Variants in LRRTM4 observed in about 807,000 individuals in gnomAD.
LRRTM4 encodes leucine rich repeat transmembrane neuronal 4.
Under a neutral mutation model 47.6 loss-of-function variants are expected in LRRTM4, and 25 were observed. The ratio of observed to expected loss-of-function variants is 0.53; its 90% CI spans 0.38 to 0.73. LRRTM4 has a LOEUF of 0.73. Among genes scored for constraint, LRRTM4 ranks in the 30% least tolerant of loss-of-function variants. The pLI is 0.00. For synonymous variants in LRRTM4, 311 were observed against 269.5 expected (o/e 1.15, Z -1.51); for missense variants, 638 against 713.4 (o/e 0.89, Z 1.20).
intron 3 of LRRTM4, among the ~76,000 whole-genome samples, chr2:77,477,873 G>A (rs1573467784): frequency 1.9e-5 from 2 of 107,136 alleles, no homozygotes; most frequent in African/African-American, 3.6e-5. Flanking sequence ...GAGAGAGAAA[G>A]AAAGAAAGAG....
intron 3 of LRRTM4, among the ~76,000 whole-genome samples, chr2:77,042,643 T>C (rs542740084): frequency 4.1e-5 from 6 of 145,080 alleles, no homozygotes; most frequent in Admixed American, 2.1e-4. Flanking sequence ...TTATATAAAG[T>C]AAAATTAATT....
At chr2:77,491,110 G>T (rs1248971464) in intron 3 of LRRTM4, among the ~76,000 whole-genome samples, 1 of 152,038 alleles carries the variant, frequency 6.6e-6, no homozygotes, top group Non-Finnish European at 1.5e-5. Context: ...GACAGAGAGA[G>T]AGAAGATATA....
rs564462656 is a variant in LRRTM4 at position 76,971,946 on chromosome 2, G to T, written c.1552-223030C>A. On this transcript the variant is annotated intron_variant, in intron 3 of 3. Coordinates refer to ENST00000409884, the MANE Select transcript of LRRTM4 (RefSeq NM_001134745.3). Reference sequence around the variant, plus strand: ...GACTGTTGATCATGGTGACAGTGCTGTATTTCATTGCACAGATCATGCTAT... The same window carrying T: ...GACTGTTGATCATGGTGACAGTGCTTTATTTCATTGCACAGATCATGCTAT... Among the ~76,000 whole-genome samples the T allele has an allele frequency of 3.6e-4, 55 of 152,154 alleles. No individual in the cohort carries two copies. In the East Asian group the frequency reaches 9.9e-3, roughly 27 times the overall value.
chr2:77,521,922 G>C, intron 1 of LRRTM4, 104 bp from the exon 2 acceptor site: 1 of 517,766 alleles, frequency 1.9e-6, no homozygotes. Context: ...GGTTGTGGGG[G>C]CAGGGAAAAG....
intron 3 of LRRTM4, among the ~76,000 whole-genome samples, chr2:77,455,877 T>G (rs1676519356): frequency 6.6e-6 from 1 of 152,122 alleles, no homozygotes; most frequent in Non-Finnish European, 1.5e-5. Context: ...TCTCCACCAT[T>G]CCAGAATACT....
chr2:77,311,051 T>C (rs1385662800), intron 3 of LRRTM4, among the ~76,000 whole-genome samples: 3 of 149,676 alleles, frequency 2.0e-5, no homozygotes, highest in Non-Finnish European at 4.4e-5. Context: ...GATATTTATA[T>C]ACACACACAT....
intron 3 of LRRTM4, among the ~76,000 whole-genome samples, chr2:76,936,903 C>T (rs1342475140): frequency 1.6e-5 from 2 of 124,368 alleles, no homozygotes; most frequent in African/African-American, 3.1e-5. Flanking sequence ...TGCAGTGAGC[C>T]GAGATGGCAT....
rs187764550 is a variant in LRRTM4 at position 77,139,736 on chromosome 2, G to A, written c.1551+378582C>T. 1.1e-4 allele frequency among the ~76,000 whole-genome samples: 16 copies of A among 152,256 alleles called. No homozygotes were observed. The East Asian group carries it at 3.1e-3, about 29-fold the overall frequency. On this transcript the variant is annotated intron_variant, in intron 3 of 3. Transcript: ENST00000409884. ...ATATTTAGAAAACCCTATCGTCTCA[G>A]CCCCAAATCTCCTTAAGTGGATAAG...
rs191038272 is a variant in LRRTM4 at position 77,171,569 on chromosome 2, G to A, written c.1551+346749C>T. Among the ~76,000 whole-genome samples the A allele has an allele frequency of 2.4e-3, 372 of 152,008 alleles. 1 individual carries two copies. The highest frequency in any genetic ancestry group is 0.01 in the Middle Eastern group (3 of 294). Reference sequence around the variant, plus strand: ...TGGGATTACAGGTGTGAGTCACGGCGACTGGCCTGGTTTATGTTTTTAAGA... The same window carrying A: ...TGGGATTACAGGTGTGAGTCACGGCAACTGGCCTGGTTTATGTTTTTAAGA... On this transcript the variant is annotated intron_variant, in intron 3 of 3. Transcript: ENST00000409884.
At chr2:76,835,093 T>C (rs61433620) in intron 3 of LRRTM4, among the ~76,000 whole-genome samples, 71,389 of 151,912 alleles carry the variant, frequency 0.47, 18,120 homozygotes, top group East Asian at 0.76. Flanking sequence ...TCTAATTTAT[T>C]CTTTGTGCAT....
intron 3 of LRRTM4, among the ~76,000 whole-genome samples, chr2:77,358,603 A>G (rs1347436085): frequency 6.6e-6 from 1 of 152,206 alleles, no homozygotes; most frequent in Non-Finnish European, 1.5e-5. Context: ...TATTTTTAAT[A>G]AGATAATTAT....
At chr2:77,221,748 A>T (rs1321159176) in intron 3 of LRRTM4, among the ~76,000 whole-genome samples, 6 of 151,992 alleles carry the variant, frequency 3.9e-5, no homozygotes, top group African/African-American at 7.3e-5. Flanking sequence ...CTCCCACACA[A>T]TAATAATGGG....
intron 3 of LRRTM4, among the ~76,000 whole-genome samples, chr2:77,113,629 T>C (rs1671310215): frequency 6.6e-6 from 1 of 150,650 alleles, no homozygotes; most frequent in Non-Finnish European, 1.5e-5. Flanking sequence ...GGTATGAGAG[T>C]GTGAGAAAGG....
chr2:77,177,536 C>G (rs1166396558), intron 3 of LRRTM4, among the ~76,000 whole-genome samples: 1 of 152,126 alleles, frequency 6.6e-6, no homozygotes, highest in African/African-American at 2.4e-5. Context: ...TAAAAGTTAC[C>G]AAGGTGCAGA....
intron 3 of LRRTM4, among the ~76,000 whole-genome samples, chr2:77,502,297 T>C (rs1678598741): frequency 6.6e-6 from 1 of 151,392 alleles, no homozygotes; most frequent in African/African-American, 2.4e-5. Context: ...ATTTTTTAAA[T>C]TTTTGCTTTT....
At chr2:76,915,562 T>C (rs1181423730) in intron 3 of LRRTM4, among the ~76,000 whole-genome samples, 7 of 152,190 alleles carry the variant, frequency 4.6e-5, no homozygotes, top group Non-Finnish European at 8.8e-5. Flanking sequence ...GGTTCTACCT[T>C]TGTCACTTAA....
chr2:77,500,301 A>C (rs914962477), intron 3 of LRRTM4, among the ~76,000 whole-genome samples: 1 of 151,824 alleles, frequency 6.6e-6, no homozygotes, highest in East Asian at 1.9e-4. Flanking sequence ...ATTTAAAAAA[A>C]TGTGAATTTG....
intron 3 of LRRTM4, among the ~76,000 whole-genome samples, chr2:77,005,135 G>A (rs904055104): frequency 6.6e-6 from 1 of 151,726 alleles, no homozygotes; most frequent in South Asian, 2.1e-4. Context: ...TGGAAGGCAT[G>A]ATTGTTTTTG....
chr2:76,908,161 C>T (rs1433052441), intron 3 of LRRTM4, among the ~76,000 whole-genome samples: 1 of 149,586 alleles, frequency 6.7e-6, no homozygotes, highest in Non-Finnish European at 1.5e-5. Flanking sequence ...AAGTGGGCTT[C>T]ATCCCTGGGA....
Sources: gnomAD v4.1 joint callset for allele counts (sites outside exome capture counted in the v4.1 genomes callset) on GRCh38, gnomAD v4.1.1 for gene constraint, MANE v1.5 for transcripts, NCBI Gene and HGNC (gene_info 2026-07-23, HGNC 2026-07-21) for gene names.